TMCO4: variants seen among roughly 807,000 people sequenced by gnomAD.
TMCO4 encodes transmembrane and coiled-coil domain-containing protein 4.
In TMCO4, 58 loss-of-function variants were observed where a neutral mutation model predicts 64.7. That is an observed-to-expected ratio of 0.90 (90% confidence interval 0.73 to 1.12). TMCO4 has a LOEUF of 1.12. Ranked by LOEUF, TMCO4 falls within the 50% of genes most tolerant of loss-of-function variation. The pLI is 0.00. For missense variants in TMCO4, 780 were observed against 825.9 expected, an observed-to-expected ratio of 0.94 and a Z score of 0.68; for synonymous variants, 325 against 346.1, an observed-to-expected ratio of 0.94 and a Z score of 0.68.
chr1:19,756,480 A>T (rs2042262060), intron 6 of TMCO4, among the ~76,000 whole-genome samples: 1 of 152,294 alleles, frequency 6.6e-6, no homozygotes, highest in Admixed American at 6.5e-5. Context: ...TGTAATCTTA[A>T]GAAAACAACC....
At chr1:19,736,451 C>T (rs2095455113) in intron 13 of TMCO4, among the ~76,000 whole-genome samples, 1 of 152,186 alleles carries the variant, frequency 6.6e-6, no homozygotes, top group African/African-American at 2.4e-5. Flanking sequence ...ATCCACCCTC[C>T]ACTCCCAGGT....
intron 6 of TMCO4, among the ~76,000 whole-genome samples, chr1:19,762,012 C>T (rs2042527582): frequency 6.6e-6 from 1 of 152,132 alleles, no homozygotes; most frequent in Non-Finnish European, 1.5e-5. Context: ...ACTATGATGC[C>T]GCATTTTGCA....
intron 3 of TMCO4, among the ~76,000 whole-genome samples, chr1:19,781,892 C>T (rs572839519): frequency 1.3e-4 from 20 of 152,326 alleles, no homozygotes; most frequent in African/African-American, 4.1e-4. Flanking sequence ...GTGATCCGCC[C>T]GCCTTGGCCT....
chr1:19,780,924 T>C (rs1325409216), intron 3 of TMCO4, among the ~76,000 whole-genome samples, 158 bp from the exon 4 acceptor site: 4 of 152,032 alleles, frequency 2.6e-5, no homozygotes, highest in Admixed American at 2.6e-4. Context: ...GAACACACAC[T>C]ACAGACCAGG....
intron 13 of TMCO4, among the ~76,000 whole-genome samples, chr1:19,710,248 A>T (rs1025400776): frequency 4.7e-5 from 7 of 149,248 alleles, no homozygotes; most frequent in Admixed American, 2.7e-4. Flanking sequence ...CTGGGACTAC[A>T]GGTGTGTGTT....
chr1:19,755,756 G>A lies in TMCO4; in HGVS notation c.393C>T (p.Asp131=), dbSNP rs148573380. Residue 131 remains aspartate (D), a synonymous_variant, in exon 7 of 16, where the codon GAC becomes GAT. Coordinates refer to ENST00000294543, the MANE Select transcript of TMCO4 (RefSeq NM_181719.7). The part of the protein sequence containing the change: ...LSFSLKDGHY[D]ARARVLVCHM... ...GGCAAACGAGGACTCTGGCCCGGGC[G>A]TCATAGTGCCCTCGAAAGACAGAAA... The A allele has an allele frequency of 4.5e-4, 728 of 1,614,004 alleles. No homozygotes were observed. The highest frequency in any genetic ancestry group is 5.1e-4 in the Non-Finnish European group (607 of 1,179,996).
At chr1:19,740,587 T>C (rs1233066276) in intron 11 of TMCO4, among the ~76,000 whole-genome samples, 190 bp downstream of exon 11, 1 of 152,184 alleles carries the variant, frequency 6.6e-6, no homozygotes, top group Non-Finnish European at 1.5e-5. Context: ...TGATTGGCTG[T>C]TTACCTGTCT....
chr1:19,785,236 A>C (rs553329202), intron 3 of TMCO4, among the ~76,000 whole-genome samples: 1 of 152,312 alleles, frequency 6.6e-6, no homozygotes, highest in African/African-American at 2.4e-5. Context: ...TGCAAAAGTA[A>C]CTGTGGTTTT....
chr1:19,789,474 CAAAATGTTT>C (rs2043918891), intron 2 of TMCO4, among the ~76,000 whole-genome samples: 1 of 152,088 alleles, frequency 6.6e-6, no homozygotes, highest in Non-Finnish European at 1.5e-5. Flanking sequence ...GGAAATACAT[CAAAATGTTT>C]ATGATCATTG....
intron 15 of TMCO4, among the ~76,000 whole-genome samples, chr1:19,690,100 G>A (rs1003140167): frequency 3.9e-5 from 6 of 152,230 alleles, no homozygotes; most frequent in African/African-American, 1.4e-4. Context: ...CCTTTGGGTA[G>A]GGGAACCATC....
At chr1:19,792,250 A>G (rs2044082080) in intron 2 of TMCO4, among the ~76,000 whole-genome samples, 1 of 152,232 alleles carries the variant, frequency 6.6e-6, no homozygotes, top group African/African-American at 2.4e-5. Context: ...CAGGGAAACA[A>G]TATAGATATA....
At chr1:19,707,145 C>T (rs2095306884) in intron 13 of TMCO4, among the ~76,000 whole-genome samples, 1 of 152,202 alleles carries the variant, frequency 6.6e-6, no homozygotes, top group Non-Finnish European at 1.5e-5. Context: ...CCACACTGGC[C>T]TTGCTGTTCC....
chr1:19,729,758 G>T (rs2095422873), intron 13 of TMCO4, among the ~76,000 whole-genome samples: 1 of 151,914 alleles, frequency 6.6e-6, no homozygotes, highest in African/African-American at 2.4e-5. Flanking sequence ...GGGTGAGACT[G>T]TCTCAAAAAA....
intron 13 of TMCO4, among the ~76,000 whole-genome samples, chr1:19,726,129 T>G (rs1294059527): frequency 6.6e-6 from 1 of 152,232 alleles, no homozygotes; most frequent in Non-Finnish European, 1.5e-5. Flanking sequence ...AGACAGTGCC[T>G]GGTGATCGTG....
chr1:19,779,778 T>C (rs900113573), intron 4 of TMCO4, among the ~76,000 whole-genome samples: 1 of 152,242 alleles, frequency 6.6e-6, no homozygotes, highest in Non-Finnish European at 1.5e-5. Context: ...AATGCATGTT[T>C]CATGAATGAA....
chr1:19,777,366 G>A (rs1480664834), intron 4 of TMCO4, among the ~76,000 whole-genome samples: 2 of 75,710 alleles, frequency 2.6e-5, no homozygotes, highest in African/African-American at 1.1e-4. Flanking sequence ...TTTTTTTTTT[G>A]AGACAGAGTC....
At chr1:19,777,193 CT>C (rs1244688030) in intron 4 of TMCO4, among the ~76,000 whole-genome samples, 1 of 152,158 alleles carries the variant, frequency 6.6e-6, no homozygotes, top group East Asian at 1.9e-4. Context: ...GATGTCCTCC[CT>C]GACGGGAGAC....
intron 6 of TMCO4, 123 bp from the exon 7 acceptor site, chr1:19,755,889 G>A: frequency 2.7e-6 from 3 of 1,131,952 alleles, no homozygotes; most frequent in South Asian, 1.5e-5. Context: ...ATGGGAGCCA[G>A]TCAATGAAAA....
At chr1:19,735,836 C>T (rs143898113) in intron 13 of TMCO4, among the ~76,000 whole-genome samples, 90 of 152,208 alleles carry the variant, frequency 5.9e-4, no homozygotes, top group African/African-American at 1.9e-3. Context: ...GGCAGATAGA[C>T]GGTTTGCTGC....
Sources: gnomAD v4.1 joint callset for allele counts (sites outside exome capture counted in the v4.1 genomes callset) on GRCh38, gnomAD v4.1.1 for gene constraint, MANE v1.5 for transcripts, NCBI Gene and HGNC (gene_info 2026-07-23, HGNC 2026-07-21) for gene names.